DLGAP1: variants seen among roughly 807,000 people sequenced by gnomAD.
DLGAP1 encodes the protein DLG associated protein 1, also known as disks large-associated protein 1.
Under a neutral mutation model 90.8 loss-of-function variants are expected in DLGAP1, and 11 were observed. The ratio of observed to expected loss-of-function variants is 0.12; its 90% CI spans 0.08 to 0.20. The LOEUF is 0.20. Among genes scored for constraint, DLGAP1 ranks in the 10% least tolerant of loss-of-function variants. DLGAP1 has a pLI of 1.00. For missense variants in DLGAP1, 1,050 were observed against 1,333.8 expected (o/e 0.79, Z 3.31); for synonymous variants, 558 against 540.7 (o/e 1.03, Z -0.44).
intron 3 of DLGAP1, among the ~76,000 whole-genome samples, chr18:3,958,265 C>A (rs1005573270): frequency 1.3e-5 from 2 of 151,648 alleles, no homozygotes; most frequent in African/African-American, 4.8e-5. Flanking sequence ...TTATGTATGC[C>A]TGTAATCCCA....
chr18:3,769,805 T>G (rs553386769), intron 5 of DLGAP1, among the ~76,000 whole-genome samples: 12 of 151,846 alleles, frequency 7.9e-5, no homozygotes, highest in Non-Finnish European at 1.6e-4. Flanking sequence ...ATATCCTCTT[T>G]GTGATATTGT....
intron 3 of DLGAP1, among the ~76,000 whole-genome samples, chr18:4,002,008 T>G (rs1018829320): frequency 1.4e-5 from 2 of 145,312 alleles, no homozygotes; most frequent in Admixed American, 7.0e-5. Context: ...GGTCTTAATC[T>G]CACCAGTAGT....
At chr18:4,081,260 A>T (rs1471004629) in intron 2 of DLGAP1, among the ~76,000 whole-genome samples, 5 of 149,268 alleles carry the variant, frequency 3.3e-5, no homozygotes. Flanking sequence ...GGTTGTGGTG[A>T]GCCGAGATTG....
chr18:3,751,178 C>T (rs2063478959), intron 5 of DLGAP1, among the ~76,000 whole-genome samples: 1 of 152,180 alleles, frequency 6.6e-6, no homozygotes, highest in Non-Finnish European at 1.5e-5. Context: ...TTCCTTTATG[C>T]CGGGCACTGT....
chr18:4,064,456 C>G (rs2075343481), intron 2 of DLGAP1, among the ~76,000 whole-genome samples: 1 of 151,156 alleles, frequency 6.6e-6, no homozygotes, highest in South Asian at 2.1e-4. Context: ...GCGAGACCAA[C>G]AAAGAAAAAA....
At chr18:4,370,573 T>C (rs1027866633) in intron 1 of DLGAP1, among the ~76,000 whole-genome samples, 4 of 152,174 alleles carry the variant, frequency 2.6e-5, no homozygotes, top group Non-Finnish European at 4.4e-5. Context: ...GTACCAAGTA[T>C]TGTCTCTTCT....
At chr18:3,794,753 G>A (rs894076692) in intron 5 of DLGAP1, among the ~76,000 whole-genome samples, 1 of 152,246 alleles carries the variant, frequency 6.6e-6, no homozygotes, top group Non-Finnish European at 1.5e-5. Context: ...CAAGGTGGCT[G>A]TGTGGCTGGG....
chr18:3,590,794 G>A (rs2145544195), intron 7 of DLGAP1, among the ~76,000 whole-genome samples: 1 of 152,098 alleles, frequency 6.6e-6, no homozygotes, highest in African/African-American at 2.4e-5. Flanking sequence ...GGTAGAGGTT[G>A]CAGTGAGCCG....
At chr18:3,760,836 G>A (rs768126731) in intron 5 of DLGAP1, among the ~76,000 whole-genome samples, 4 of 152,160 alleles carry the variant, frequency 2.6e-5, no homozygotes, top group Non-Finnish European at 5.9e-5. Flanking sequence ...TCTGTGGGGG[G>A]TGGTTCCCTG....
chr18:3,623,935 C>T (rs565882823), intron 7 of DLGAP1, among the ~76,000 whole-genome samples: 4 of 152,122 alleles, frequency 2.6e-5, no homozygotes, highest in African/African-American at 7.2e-5. Flanking sequence ...TTCATCTGAC[C>T]GGTTCAGTGG....
At chr18:3,911,707 C>G (rs2072037541) in intron 3 of DLGAP1, among the ~76,000 whole-genome samples, 1 of 152,188 alleles carries the variant, frequency 6.6e-6, no homozygotes, top group Admixed American at 6.5e-5. Context: ...CTTTTGTGAA[C>G]TATTTAGCAG....
rs189572205 is a variant in DLGAP1, at chr18:3,786,491, G to T, written c.1172+27568C>A. Among the ~76,000 whole-genome samples the T allele has an allele frequency of 5.9e-5, 9 of 152,294 alleles. No individual in the cohort carries two copies. In the East Asian group the frequency reaches 1.7e-3, roughly 29 times the overall value. On this transcript the variant is annotated intron_variant, in intron 5 of 12. Transcript: ENST00000315677. Reference sequence around the variant, plus strand: ...GTGAATAATATCTTTCTAATGCAGAGAAGATGTCATCCATGGAAAAGGCTA... The same window carrying T: ...GTGAATAATATCTTTCTAATGCAGATAAGATGTCATCCATGGAAAAGGCTA...
intron 2 of DLGAP1, among the ~76,000 whole-genome samples, chr18:4,147,625 CCAT>C (rs1042690633): frequency 1.3e-5 from 2 of 148,638 alleles, no homozygotes; most frequent in African/African-American, 2.5e-5. Context: ...ATCCATCCAT[CCAT>C]CCTTTATCCA....
At chr18:4,423,745 G>A (rs2083090203) in intron 1 of DLGAP1, among the ~76,000 whole-genome samples, 1 of 150,652 alleles carries the variant, frequency 6.6e-6, no homozygotes, top group Non-Finnish European at 1.5e-5. Context: ...CTTCTTTAAA[G>A]GTTGCCTACC....
chr18:3,714,442 G>C (rs987728412), intron 7 of DLGAP1, among the ~76,000 whole-genome samples: 1 of 152,160 alleles, frequency 6.6e-6, no homozygotes, highest in Non-Finnish European at 1.5e-5. Flanking sequence ...ACCCCACAAG[G>C]ATGGAGATGC....
chr18:3,578,593 G>C (rs2055296785), intron 8 of DLGAP1, among the ~76,000 whole-genome samples: 1 of 151,920 alleles, frequency 6.6e-6, no homozygotes, highest in African/African-American at 2.4e-5. Flanking sequence ...TTGACCTCGT[G>C]ATCTGCCCAC....
At chr18:3,975,464 G>C (rs1292665641) in intron 3 of DLGAP1, among the ~76,000 whole-genome samples, 1 of 152,172 alleles carries the variant, frequency 6.6e-6, no homozygotes, top group Non-Finnish European at 1.5e-5. Flanking sequence ...TGTTGGCAAA[G>C]ATGTGGAGAA....
rs975289839 is a variant in DLGAP1, at chr18:4,290,468, C to T, written c.-266-139181G>A. Reference sequence around the variant, plus strand: ...ACAATAGCTGTGTACACATATGTGGCGATGAAAGGTAACGTGGACTCCACA... The same window carrying T: ...ACAATAGCTGTGTACACATATGTGGTGATGAAAGGTAACGTGGACTCCACA... On this transcript the variant is annotated intron_variant, in intron 1 of 12. Transcript: ENST00000315677. Among the ~76,000 whole-genome samples, 8 of 151,986 alleles carry T rather than the reference C, an allele frequency of 5.3e-5. No homozygotes were observed. The South Asian group carries it at 6.2e-4, about 12-fold the overall frequency.
intron 1 of DLGAP1, among the ~76,000 whole-genome samples, chr18:4,166,599 A>G (rs1204970971): frequency 6.6e-6 from 1 of 152,248 alleles, no homozygotes; most frequent in Non-Finnish European, 1.5e-5. Context: ...ATATTTGTAT[A>G]CTACTGTTCA....
Sources: gnomAD v4.1 joint callset for allele counts (sites outside exome capture counted in the v4.1 genomes callset) on GRCh38, gnomAD v4.1.1 for gene constraint, MANE v1.5 for transcripts, NCBI Gene and HGNC (gene_info 2026-07-23, HGNC 2026-07-21) for gene names.